Variants in NKAIN2 observed in about 807,000 individuals in gnomAD.
The protein encoded by NKAIN2 is sodium/potassium transporting ATPase interacting 2, also known as sodium/potassium-transporting ATPase subunit beta-1-interacting protein 2.
In NKAIN2, 14 loss-of-function variants were observed where a neutral mutation model predicts 32.6. The observed-to-expected ratio is 0.43, with a 90% CI of 0.28 to 0.67. NKAIN2 has a LOEUF of 0.67. Ranked by LOEUF, NKAIN2 falls within the 30% of genes least tolerant of loss-of-function variation. The pLI is 0.17. For synonymous variants in NKAIN2, 80 were observed against 87.2 expected (o/e 0.92, Z 0.46); for missense variants, 198 against 258.3 (o/e 0.77, Z 1.60).
intron 4 of NKAIN2, among the ~76,000 whole-genome samples, chr6:124,763,117 G>A (rs1462639422): frequency 6.6e-6 from 1 of 152,176 alleles, no homozygotes; most frequent in African/African-American, 2.4e-5. Flanking sequence ...TAGAAGCAGA[G>A]AGTAAAATGG....
intron 3 of NKAIN2, among the ~76,000 whole-genome samples, chr6:124,522,848 A>G (rs1779164592): frequency 6.6e-6 from 1 of 151,668 alleles, no homozygotes; most frequent in Non-Finnish European, 1.5e-5. Context: ...GTAGGTTAAG[A>G]AAAAAAGATC....
At chr6:124,783,610 A>C (rs1422386871) in intron 4 of NKAIN2, among the ~76,000 whole-genome samples, 2 of 152,194 alleles carry the variant, frequency 1.3e-5, no homozygotes, top group Non-Finnish European at 2.9e-5. Flanking sequence ...TGTGTTCCAC[A>C]ATAGTCCAGC....
chr6:123,928,484 G>A (rs933295971), intron 1 of NKAIN2, among the ~76,000 whole-genome samples: 2 of 152,104 alleles, frequency 1.3e-5, no homozygotes, highest in Non-Finnish European at 2.9e-5. Context: ...ACACTGGATT[G>A]CGTCTTTTAC....
chr6:124,534,160 G>A (rs914208655), intron 3 of NKAIN2, among the ~76,000 whole-genome samples: 1 of 151,564 alleles, frequency 6.6e-6, no homozygotes, highest in African/African-American at 2.4e-5. Context: ...CCTTTTTTGG[G>A]GGGCATTGGG....
intron 1 of NKAIN2, among the ~76,000 whole-genome samples, chr6:124,123,549 G>A (rs375078831): frequency 4.0e-5 from 6 of 151,742 alleles, no homozygotes; most frequent in African/African-American, 1.5e-4. Context: ...CATTTGTTGC[G>A]CATTCATAGC....
At chr6:124,041,384 C>T (rs1045438393) in intron 1 of NKAIN2, among the ~76,000 whole-genome samples, 9 of 151,980 alleles carry the variant, frequency 5.9e-5, no homozygotes, top group African/African-American at 1.9e-4. Flanking sequence ...ATTCTGAAAA[C>T]GTAAGGCCAA....
At chr6:124,813,894 A>G (rs1268413667) in intron 5 of NKAIN2, among the ~76,000 whole-genome samples, 1 of 152,200 alleles carries the variant, frequency 6.6e-6, no homozygotes, top group Non-Finnish European at 1.5e-5. Flanking sequence ...TTACCTGGAC[A>G]AAGATCTGTC....
intron 1 of NKAIN2, among the ~76,000 whole-genome samples, chr6:123,949,849 G>C (rs1777242211): frequency 6.6e-6 from 1 of 151,968 alleles, no homozygotes; most frequent in Non-Finnish European, 1.5e-5. Context: ...AATAAGAGTG[G>C]TGAAAGTGGG....
chr6:124,769,282 AG>A (rs1778646440), intron 4 of NKAIN2, among the ~76,000 whole-genome samples: 1 of 152,206 alleles, frequency 6.6e-6, no homozygotes, highest in South Asian at 2.1e-4. Context: ...TCAGAACCAA[AG>A]CCAGATGATT....
intron 3 of NKAIN2, among the ~76,000 whole-genome samples, chr6:124,415,809 T>C (rs1254947289): frequency 1.3e-5 from 2 of 151,812 alleles, no homozygotes; most frequent in Non-Finnish European, 2.9e-5. Flanking sequence ...ACCAACTATG[T>C]ATTTTAACAA....
At chr6:124,004,572 G>T (rs1247878818) in intron 1 of NKAIN2, among the ~76,000 whole-genome samples, 2 of 151,808 alleles carry the variant, frequency 1.3e-5, no homozygotes, top group South Asian at 2.1e-4. Context: ...ATGGTTTCCA[G>T]TTTCATCCAA....
chr6:124,344,264 G>A (rs1454626555), intron 2 of NKAIN2, among the ~76,000 whole-genome samples: 6 of 152,040 alleles, frequency 3.9e-5, no homozygotes, highest in East Asian at 1.9e-4. Context: ...GTCAGGTAGC[G>A]TGATGCCTCC....
At chr6:124,041,776 T>C (rs1781884918) in intron 1 of NKAIN2, among the ~76,000 whole-genome samples, 1 of 152,112 alleles carries the variant, frequency 6.6e-6, no homozygotes, top group African/African-American at 2.4e-5. Flanking sequence ...TAAATTGGAA[T>C]GAATACAAAA....
At chr6:124,490,067 A>G (rs1777800950) in intron 3 of NKAIN2, among the ~76,000 whole-genome samples, 2 of 151,976 alleles carry the variant, frequency 1.3e-5, no homozygotes, top group South Asian at 4.1e-4. Context: ...AGTTAATATT[A>G]ATATATACTG....
chr6:124,689,370 A>G (rs1000353091), intron 4 of NKAIN2, among the ~76,000 whole-genome samples: 3 of 152,004 alleles, frequency 2.0e-5, no homozygotes, highest in East Asian at 1.9e-4. Flanking sequence ...CCTTTATCAT[A>G]TATGTTTTTG....
At chr6:124,205,348 A>G (rs887682291) in intron 1 of NKAIN2, among the ~76,000 whole-genome samples, 40 of 111,592 alleles carry the variant, frequency 3.6e-4, no homozygotes, top group Admixed American at 3.4e-3. Flanking sequence ...GTTACTCTGC[A>G]TTTTCTTAGG....
rs530978418 is a variant in NKAIN2 at position 124,528,379 on chromosome 6, A to G, written c.274-129807A>G. Among the ~76,000 whole-genome samples, 31 of 152,342 alleles carry G rather than the reference A, an allele frequency of 2.0e-4. No individual in the cohort carries two copies. The South Asian group carries it at 5.8e-3, about 28-fold the overall frequency. On this transcript the variant is annotated intron_variant, in intron 3 of 6. Coordinates refer to ENST00000368417, the MANE Select transcript of NKAIN2 (RefSeq NM_001040214.3). ...CTGTTTTTATTAACCAGTGGGTCAC[A>G]TACTGTAGTGCAGTGTTTTGTCTTT...
chr6:124,228,492 A>C (rs1040887335), intron 1 of NKAIN2, among the ~76,000 whole-genome samples: 1 of 152,124 alleles, frequency 6.6e-6, no homozygotes, highest in African/African-American at 2.4e-5. Context: ...AACTGACTTT[A>C]ACATCTCTCC....
At chr6:124,340,281 A>G (rs1798062696) in intron 2 of NKAIN2, among the ~76,000 whole-genome samples, 1 of 152,206 alleles carries the variant, frequency 6.6e-6, no homozygotes, top group South Asian at 2.1e-4. Flanking sequence ...TGAATTACAC[A>G]TCTACATCTT....
Sources: allele counts gnomAD v4.1 joint callset (sites outside exome capture counted in the v4.1 genomes callset), GRCh38; gene constraint gnomAD v4.1.1; transcripts MANE v1.5; gene names NCBI Gene and HGNC (gene_info 2026-07-23, HGNC 2026-07-21).